GKAP1: variants seen among roughly 807,000 people sequenced by gnomAD.
GKAP1 encodes G kinase-anchoring protein 1.
A neutral mutation model predicts 56.7 loss-of-function variants in GKAP1; 31 were observed. The observed-to-expected ratio is 0.55, with a 90% CI of 0.41 to 0.74. GKAP1 has a LOEUF of 0.74. GKAP1 is among the 30% of genes least tolerant of loss of function. The pLI is 0.00. For missense variants in GKAP1, 364 were observed against 402.3 expected (o/e 0.90, Z 0.82); for synonymous variants, 151 against 138.6 (o/e 1.09, Z -0.63).
intron 8 of GKAP1, among the ~76,000 whole-genome samples, chr9:83,756,988 AATG>A (rs1286062263): frequency 6.6e-6 from 1 of 152,216 alleles, no homozygotes; most frequent in Non-Finnish European, 1.5e-5. Flanking sequence ...ATTATACTAA[AATG>A]AGGATGAAAA....
intron 7 of GKAP1, among the ~76,000 whole-genome samples, chr9:83,770,719 G>A (rs1162584926): frequency 1.3e-5 from 2 of 151,900 alleles, no homozygotes; most frequent in Non-Finnish European, 2.9e-5. Context: ...GTGCCACCAC[G>A]CCCAGGTAAT....
intron 4 of GKAP1, among the ~76,000 whole-genome samples, chr9:83,791,740 G>A (rs1944163093): frequency 6.6e-6 from 1 of 152,176 alleles, no homozygotes; most frequent in Non-Finnish European, 1.5e-5. Flanking sequence ...AGTTGAGGAT[G>A]TAAGATTAAC....
intron 9 of GKAP1, among the ~76,000 whole-genome samples, chr9:83,750,513 GCAT>G (rs1477744655): frequency 6.6e-6 from 1 of 152,062 alleles, no homozygotes; most frequent in Non-Finnish European, 1.5e-5. Context: ...TCAGCAACAT[GCAT>G]CATCATCGCA....
At chr9:83,780,261 A>C in intron 7 of GKAP1, 121 bp downstream of exon 7, 1 of 616,154 alleles carries the variant, frequency 1.6e-6, no homozygotes, top group Non-Finnish European at 2.9e-6. Context: ...GGTTCACTCA[A>C]GACAAACCTA....
intron 3 of GKAP1, among the ~76,000 whole-genome samples, chr9:83,804,690 G>C (rs1356431882): frequency 1.4e-5 from 2 of 144,522 alleles, no homozygotes; most frequent in Non-Finnish European, 3.0e-5. Flanking sequence ...CCAGCCCCCC[G>C]CCCGGCCAGC....
intron 2 of GKAP1, among the ~76,000 whole-genome samples, chr9:83,813,264 A>C (rs895523699): frequency 6.6e-6 from 1 of 152,258 alleles, no homozygotes; most frequent in Non-Finnish European, 1.5e-5. Flanking sequence ...AATATAATTA[A>C]GCCATACAAT....
chr9:83,752,181 A>T (rs910012319), intron 9 of GKAP1, among the ~76,000 whole-genome samples: 1 of 152,218 alleles, frequency 6.6e-6, no homozygotes, highest in East Asian at 1.9e-4. Context: ...AGGCGAGCAG[A>T]TCACAAGGTC....
intron 2 of GKAP1, among the ~76,000 whole-genome samples, chr9:83,811,940 A>C (rs754208824): frequency 2.0e-5 from 3 of 152,174 alleles, no homozygotes; most frequent in Non-Finnish European, 2.9e-5. Context: ...CCTTGACAGA[A>C]ATCTACATAC....
At chr9:83,741,396 G>T (rs1221104853) in intron 12 of GKAP1, among the ~76,000 whole-genome samples, 4 of 145,718 alleles carry the variant, frequency 2.7e-5, no homozygotes, top group Admixed American at 2.7e-4. Context: ...ACACACAAAA[G>T]CACTGGTATT....
chr9:83,806,176 T>C (rs968016212), intron 3 of GKAP1, 126 bp downstream of exon 3: 18 of 632,056 alleles, frequency 2.8e-5, no homozygotes, highest in South Asian at 1.2e-4. Context: ...CATCCATTCA[T>C]TGAAGTAATA....
At chr9:83,801,260 G>T (rs1944326768) in intron 3 of GKAP1, among the ~76,000 whole-genome samples, 1 of 152,144 alleles carries the variant, frequency 6.6e-6, no homozygotes, top group Non-Finnish European at 1.5e-5. Context: ...CCACCCAGAA[G>T]CTAGAAGAGG....
At chr9:83,784,940 A>G in intron 5 of GKAP1, 102 bp from the exon 6 acceptor site, 1 of 1,049,086 alleles carries the variant, frequency 9.5e-7, no homozygotes, top group Non-Finnish European at 1.3e-6. Flanking sequence ...TAAAGATAAA[A>G]GGCAAATAAA....
rs558240673 is a variant in GKAP1, at chr9:83,801,400, T to G, written c.217-2072A>C. On this transcript the variant is annotated intron_variant, in intron 3 of 12. Transcript: ENST00000376371. ...GTTTTAAGCCACCAAGTTTGTGTTT[T>G]TTTTTTTTTTAAGGCAGCCCTGAGA... 1.7e-4 allele frequency among the ~76,000 whole-genome samples: 26 copies of G among 152,272 alleles called. No homozygotes were observed. The East Asian group carries it at 1.7e-3, about 10-fold the overall frequency.
At chr9:83,804,469 A>G (rs1944396929) in intron 3 of GKAP1, among the ~76,000 whole-genome samples, 1 of 103,562 alleles carries the variant, frequency 9.7e-6, no homozygotes, top group African/African-American at 3.8e-5. Context: ...GGCCACCCCT[A>G]CTGGGAAGTG....
chr9:83,778,082 C>T (rs1943892645), intron 7 of GKAP1, among the ~76,000 whole-genome samples: 1 of 152,086 alleles, frequency 6.6e-6, no homozygotes, highest in Non-Finnish European at 1.5e-5. Context: ...GAAAGAAATG[C>T]TTATCCACTG....
At chr9:83,760,466 A>C (rs1943550929) in intron 8 of GKAP1, among the ~76,000 whole-genome samples, 1 of 152,208 alleles carries the variant, frequency 6.6e-6, no homozygotes, top group African/African-American at 2.4e-5. Flanking sequence ...TCTTCTAGTA[A>C]GAAAATCAAC....
Position 83,805,392 on chromosome 9 carries a change from G to A in GKAP1, c.216+910C>T, listed in dbSNP as rs1265900326. Among the ~76,000 whole-genome samples, 5 of 151,334 alleles carry A rather than the reference G, an allele frequency of 3.3e-5. No homozygotes were observed. In the East Asian group the frequency reaches 7.8e-4, roughly 24 times the overall value. On this transcript the variant is annotated intron_variant, in intron 3 of 12. Transcript: ENST00000376371. ...ACCTTTGTTCACTTGTTTATCTGCC[G>A]ACCTTCCCTCCACTATTGTCCTATG...
intron 7 of GKAP1, among the ~76,000 whole-genome samples, chr9:83,778,374 A>G (rs746404616): frequency 2.0e-5 from 3 of 152,192 alleles, no homozygotes; most frequent in Admixed American, 1.3e-4. Context: ...CATAAAAAAG[A>G]ATGAGACTGT....
Position 83,739,531 on chromosome 9 carries a change from C to T in GKAP1, c.*166G>A. ...CTGGAATTCTCTATTTCTTCTTTTT[C>T]ACTTTAAGCCAAAAGAAATAAAATT... On this transcript the variant is annotated 3_prime_UTR_variant, in exon 13 of 13. Transcript: ENST00000376371. 1 of 436,566 alleles carries T rather than the reference C, an allele frequency of 2.3e-6. No homozygotes were observed. Among genetic ancestry groups the T allele is most frequent in the Non-Finnish European group, 4.0e-6 (1 of 247,644 alleles). 27.0% of individuals were successfully genotyped at this position (436,566 alleles called of 1,614,324 possible). A position where few individuals can be genotyped will look rare whatever the true frequency, so the allele number is the denominator to read the frequency against.
Sources: allele counts gnomAD v4.1 joint callset (sites outside exome capture counted in the v4.1 genomes callset), GRCh38; gene constraint gnomAD v4.1.1; transcripts MANE v1.5; gene names NCBI Gene and HGNC (gene_info 2026-07-23, HGNC 2026-07-21).